Variants in ACTR1A observed in about 807,000 individuals in gnomAD.
ACTR1A encodes the protein alpha-centractin.
In ACTR1A, 10 loss-of-function variants were observed where a neutral mutation model predicts 50.7. The observed-to-expected ratio is 0.20, with a 90% CI of 0.12 to 0.33. The LOEUF is 0.33. Ranked by LOEUF, ACTR1A falls within the 10% of genes least tolerant of loss-of-function variation. The pLI, the probability that ACTR1A is intolerant of heterozygous loss-of-function variation, is 1.00. For synonymous variants in ACTR1A, 177 were observed against 184.2 expected (o/e 0.96, Z 0.32); for missense variants, 253 against 491.7 (o/e 0.51, Z 4.59).
rs2062148268 is a variant in ACTR1A, at chr10:102,482,410, C to A, written c.751-235G>T. On this transcript the variant is annotated intron_variant, in intron 7 of 10. Transcript: ENST00000369905. The surrounding 1 kb of genome is among the most constrained non-coding windows in gnomAD (Gnocchi z 5.6). ...CTCTGGCATTTTCCAGCCAAGAGGT[C>A]TTTGGCATCAGTACATGGATTTATT... 1 of 570,870 alleles carries A rather than the reference C, an allele frequency of 1.8e-6. No homozygotes were observed. The highest frequency in any genetic ancestry group is 1.9e-5 in the African/African-American group (1 of 53,320). The allele number at this position is 570,870 out of a possible 1,614,324, so 35.4% of individuals were successfully genotyped here.
At chr10:102,492,764 G>A (rs2062200497) in intron 1 of ACTR1A, among the ~76,000 whole-genome samples, 1 of 152,114 alleles carries the variant, frequency 6.6e-6, no homozygotes. Context: ...CACTGTGGGA[G>A]GCCGAAGCGG....
At chr10:102,484,014 T>A in intron 6 of ACTR1A, 146 bp downstream of exon 6, 1 of 678,782 alleles carries the variant, frequency 1.5e-6, no homozygotes, top group East Asian at 2.7e-5. Context: ...CAGTGTGACG[T>A]AGGGGAGACC....
intron 1 of ACTR1A, among the ~76,000 whole-genome samples, chr10:102,496,102 C>T (rs1477430297): frequency 8.5e-5 from 13 of 152,262 alleles, no homozygotes; most frequent in Admixed American, 7.8e-4. Flanking sequence ...CCCGCCACCA[C>T]GCCTGGCTAA....
Position 102,482,534 on chromosome 10 carries a change from A to G in ACTR1A, c.751-359T>C. On this transcript the variant is annotated intron_variant, in intron 7 of 10. Coordinates refer to ENST00000369905, the MANE Select transcript of ACTR1A (RefSeq NM_005736.4). This position sits in a 1 kb window ranked among gnomAD's most constrained non-coding sequence, Gnocchi z 5.6. ...GGTGAAGGATGGCACTAACCATCCC[A>G]CTTCCTAATCTCATACTGATGTGGG... 3.2e-6 allele frequency: 1 copy of G among 316,196 alleles called. No homozygotes were observed. The highest frequency in any genetic ancestry group is 5.9e-6 in the Non-Finnish European group (1 of 168,900). 19.6% of individuals were successfully genotyped at this position (316,196 alleles called of 1,614,324 possible).
At chr10:102,489,006 G>T in intron 3 of ACTR1A, 57 bp downstream of exon 3, 2 of 1,324,376 alleles carry the variant, frequency 1.5e-6, no homozygotes, top group Non-Finnish European at 2.0e-6. Context: ...GTTCCATGTG[G>T]TGAATAATGA....
intron 1 of ACTR1A, among the ~76,000 whole-genome samples, chr10:102,497,171 G>GAAAAA (rs968687001): frequency 7.2e-5 from 5 of 69,716 alleles, no homozygotes; most frequent in Non-Finnish European, 8.3e-5. Context: ...TCCATCTCAG[G>GAAAAA]AAAAAAAAAA....
intron 1 of ACTR1A, among the ~76,000 whole-genome samples, chr10:102,491,466 C>T (rs1012406184): frequency 3.9e-5 from 6 of 152,166 alleles, no homozygotes; most frequent in African/African-American, 1.4e-4. Flanking sequence ...GGGCAGAGCA[C>T]GATGCTTTGG....
chr10:102,491,227 G>A (rs1285194417), intron 1 of ACTR1A, among the ~76,000 whole-genome samples: 1 of 152,144 alleles, frequency 6.6e-6, no homozygotes, highest in African/African-American at 2.4e-5. Context: ...AGAAAACCTG[G>A]GGAAAGAAGA....
chr10:102,482,716 A>G lies in ACTR1A; in HGVS notation c.750+295T>C, dbSNP rs545095327. ...CAGTCTTTTGGCTTCCCTGGGCCAC[A>G]TTGGAAGAAGAATTGTCTTGGGCCA... On this transcript the variant is annotated intron_variant, in intron 7 of 10. Coordinates refer to ENST00000369905, the MANE Select transcript of ACTR1A (RefSeq NM_005736.4). This position sits in a 1 kb window ranked among gnomAD's most constrained non-coding sequence, Gnocchi z 5.6. The G allele has an allele frequency of 3.1e-4, 113 of 370,072 alleles. No individual in the cohort carries two copies. Among genetic ancestry groups the G allele is most frequent in the Non-Finnish European group, 3.8e-4 (76 of 202,118 alleles). 22.9% of individuals were successfully genotyped at this position (370,072 alleles called of 1,614,324 possible). A position where few individuals can be genotyped will look rare whatever the true frequency, so the allele number is the denominator to read the frequency against.
At position 102,483,107 on chromosome 10, in the gene ACTR1A, C is replaced by T; in HGVS notation, c.658-4G>A. On this transcript the variant is annotated splice_region_variant and splice_polypyrimidine_tract_variant and intron_variant, in intron 6 of 10. Transcript: ENST00000369905. Reference sequence around the variant, plus strand: ...TTATGGATAGGTAACAGGCTCTCTGCAGATCCAAGCAAGACAGTCAGGCTG... The same window carrying T: ...TTATGGATAGGTAACAGGCTCTCTGTAGATCCAAGCAAGACAGTCAGGCTG... 3 of 1,610,088 alleles carry T rather than the reference C, an allele frequency of 1.9e-6. No individual in the cohort carries two copies. The highest frequency in any genetic ancestry group is 1.7e-6 in the Non-Finnish European group (2 of 1,176,268).
At chr10:102,496,097 C>T (rs2062221200) in intron 1 of ACTR1A, among the ~76,000 whole-genome samples, 2 of 152,216 alleles carry the variant, frequency 1.3e-5, no homozygotes, top group South Asian at 4.1e-4. Flanking sequence ...AGGTGCCCGC[C>T]ACCACGCCTG....
At position 102,483,050 on chromosome 10, in the gene ACTR1A, C is replaced by T; in HGVS notation, c.711G>A (p.Glu237=). 6.2e-7 allele frequency: 1 copy of T among 1,614,244 alleles called. No individual in the cohort carries two copies. The highest frequency in any genetic ancestry group is 8.5e-7 in the Non-Finnish European group (1 of 1,180,036). The stretch of plus-strand genomic sequence containing the variant: ...CATCAGGCAGGTAGTACTGAGCTTT[C>T]TCTGTCTCTAGCGTCTCATCCTTTT... ...NPQKDETLET[E]KAQYYLPDGS... Residue 237 remains glutamate (E), a synonymous_variant, in exon 7 of 11, where the codon GAG becomes GAA. Transcript: ENST00000369905.
At chr10:102,501,425 A>G (rs1312554919) in intron 1 of ACTR1A, among the ~76,000 whole-genome samples, 2 of 152,264 alleles carry the variant, frequency 1.3e-5, no homozygotes, top group East Asian at 3.8e-4. Flanking sequence ...AGCTTACAAC[A>G]GAGGGAACTG....
chr10:102,489,195 G>T, intron 2 of ACTR1A, 57 bp from the exon 3 acceptor site: 1 of 1,340,602 alleles, frequency 7.5e-7, no homozygotes, highest in Non-Finnish European at 1.0e-6. Flanking sequence ...AACACAGGAA[G>T]GATGTATAGA....
Position 102,485,747 on chromosome 10 carries a change from C to A in ACTR1A, c.316-14G>T, listed in dbSNP as rs917134320. On this transcript the variant is annotated splice_polypyrimidine_tract_variant and intron_variant, in intron 4 of 10. Transcript: ENST00000369905. ...GAGCACAGGATGCTGGTGAAAGGAG[C>A]CCGGGAGACAATGAGGCCAAGGCCA... 6 of 1,613,360 alleles carry A rather than the reference C, an allele frequency of 3.7e-6. No individual in the cohort carries two copies. The highest frequency in any genetic ancestry group is 5.1e-6 in the Non-Finnish European group (6 of 1,179,698).
chr10:102,488,235 T>C lies in ACTR1A; in HGVS notation c.230A>G (p.His77Arg), dbSNP rs1417170496. 3 of 1,614,106 alleles carry C rather than the reference T, an allele frequency of 1.9e-6. No individual in the cohort carries two copies. Among genetic ancestry groups the C allele is most frequent in the East Asian group, 2.2e-5 (1 of 44,880 alleles). Residue 77 changes from histidine (H) to arginine (R), a missense_variant, in exon 4 of 11, where the codon CAT (histidine) becomes CGT (arginine). His to Arg is a conservative substitution (Grantham distance 29). Coordinates refer to ENST00000369905, the MANE Select transcript of ACTR1A (RefSeq NM_005736.4). This position sits in a 1 kb window ranked among gnomAD's most constrained non-coding sequence, Gnocchi z 4.4. ...GTCGTTCCAATCCTTGACGATGCCA[T>C]GCTCCATGGGATAGCGGATTGAAAG... ...GLLSIRYPME[H>R]GIVKDWNDME...
chr10:102,481,716 G>C (rs563300326), intron 9 of ACTR1A, 121 bp downstream of exon 9: 1 of 1,188,456 alleles, frequency 8.4e-7, no homozygotes, highest in Non-Finnish European at 1.2e-6. Flanking sequence ...GGAACCTGGC[G>C]CTGCTTGTAG....
intron 4 of ACTR1A, among the ~76,000 whole-genome samples, chr10:102,486,790 C>CTT (rs201428036): frequency 4.2e-4 from 61 of 144,444 alleles, no homozygotes; most frequent in Middle Eastern, 3.5e-3. Context: ...TTCTTTCTTT[C>CTT]TTTTTTTTTT....
At chr10:102,483,624 T>A in intron 6 of ACTR1A, 1 of 161,488 alleles carries the variant, frequency 6.2e-6, no homozygotes. Context: ...AGATCACTTG[T>A]GGTCAGGAGT....
Sources: gnomAD v4.1 joint callset for allele counts (sites outside exome capture counted in the v4.1 genomes callset) on GRCh38, gnomAD v4.1.1 for gene constraint, Gnocchi (gnomAD v3.1) non-coding constraint, MANE v1.5 for transcripts, NCBI Gene and HGNC (gene_info 2026-07-23, HGNC 2026-07-21) for gene names.